PTPRA: variants seen among roughly 807,000 people sequenced by gnomAD.
PTPRA encodes the protein receptor-type tyrosine-protein phosphatase alpha.
In PTPRA, 25 loss-of-function variants were observed where a neutral mutation model predicts 104.8. The ratio of observed to expected loss-of-function variants is 0.24; its 90% CI spans 0.17 to 0.33. PTPRA has a LOEUF of 0.33. Among genes scored for constraint, PTPRA ranks in the 10% least tolerant of loss-of-function variants. PTPRA has a pLI of 1.00. For missense variants in PTPRA, 765 were observed against 1,015.3 expected, an observed-to-expected ratio of 0.75 and a Z score of 3.35; for synonymous variants, 323 against 368.9, an observed-to-expected ratio of 0.88 and a Z score of 1.43.
At chr20:2,869,971 CT>C (rs1268862871), upstream of PTPRA, among the ~76,000 whole-genome samples, 1 of 150,906 alleles carries the variant, frequency 6.6e-6, no homozygotes, top group African/African-American at 2.4e-5. Context: ...GAAACTCTGT[CT>C]TAAAAATATA....
chr20:3,037,448 G>A lies in PTPRA; in HGVS notation c.2334+159G>A, dbSNP rs2065854527. The stretch of plus-strand genomic sequence containing the variant: ...TGCCCCAAATACACAGGAAACATTG[G>A]GAGGCAGGATGGCAGCAATGGGAGC... On this transcript the variant is annotated intron_variant, in intron 23 of 23. Coordinates refer to ENST00000399903, the MANE Select transcript of PTPRA (RefSeq NM_001385305.1). The surrounding 1 kb of genome is among the most constrained non-coding windows in gnomAD (Gnocchi z 4.3). Among the ~76,000 whole-genome samples, 1 of 152,210 alleles carries A rather than the reference G, an allele frequency of 6.6e-6. No homozygotes were observed. The highest frequency in any genetic ancestry group is 1.5e-5 in the Non-Finnish European group (1 of 68,036).
At chr20:2,902,759 T>G (rs901724912) in intron 1 of PTPRA, among the ~76,000 whole-genome samples, 1 of 152,176 alleles carries the variant, frequency 6.6e-6, no homozygotes, top group Non-Finnish European at 1.5e-5. Flanking sequence ...TTTTACTAAT[T>G]TGAGGGTTTT....
intron 9 of PTPRA, among the ~76,000 whole-genome samples, chr20:3,003,967 A>G (rs1004809234): frequency 2.0e-5 from 3 of 152,148 alleles, no homozygotes; most frequent in African/African-American, 7.2e-5. Flanking sequence ...TTTGCTACAC[A>G]TGAGATTATT....
intron 20 of PTPRA, among the ~76,000 whole-genome samples, chr20:3,030,084 GC>G (rs1187567776): frequency 1.3e-5 from 2 of 152,130 alleles, no homozygotes; most frequent in African/African-American, 4.8e-5. Context: ...CAAAGAGCAG[GC>G]CGAAGAGCTG....
At chr20:2,885,740 G>A (rs924065900) in intron 1 of PTPRA, among the ~76,000 whole-genome samples, 3 of 151,214 alleles carry the variant, frequency 2.0e-5, no homozygotes, top group African/African-American at 7.3e-5. Context: ...TGAATGGCAA[G>A]AAAAAAAAAG....
chr20:2,971,660 G>A (rs1415271363), intron 5 of PTPRA, among the ~76,000 whole-genome samples: 6 of 152,106 alleles, frequency 3.9e-5, no homozygotes, highest in African/African-American at 1.2e-4. Flanking sequence ...TTCATTATAC[G>A]TGGTACTGAC....
chr20:2,964,021 C>T (rs967902157), intron 3 of PTPRA, among the ~76,000 whole-genome samples: 8 of 152,118 alleles, frequency 5.3e-5, no homozygotes, highest in African/African-American at 1.9e-4. Flanking sequence ...TCCTGGGCAA[C>T]AGAGCAAGAC....
chr20:2,881,204 G>A (rs758347742), intron 1 of PTPRA, among the ~76,000 whole-genome samples: 1 of 151,854 alleles, frequency 6.6e-6, no homozygotes, highest in East Asian at 1.9e-4. Flanking sequence ...TCAGCTACTC[G>A]GGAGGCTGAG....
At chr20:2,946,849 GAA>G (rs1021630128) in intron 2 of PTPRA, among the ~76,000 whole-genome samples, 1 of 145,224 alleles carries the variant, frequency 6.9e-6, no homozygotes, top group Admixed American at 6.8e-5. Context: ...CTCCTTCTCA[GAA>G]AAAAAAAAAA....
chr20:2,898,325 C>T (rs1461298439), intron 1 of PTPRA, among the ~76,000 whole-genome samples: 1 of 151,752 alleles, frequency 6.6e-6, no homozygotes, highest in African/African-American at 2.4e-5. Context: ...TGTGATCCGC[C>T]CACCTCGGCC....
chr20:2,944,762 TA>T (rs1163911516), intron 2 of PTPRA, among the ~76,000 whole-genome samples: 1 of 152,176 alleles, frequency 6.6e-6, no homozygotes, highest in East Asian at 1.9e-4. Flanking sequence ...TTCGAGTGCT[TA>T]AAAAAATTGT....
chr20:3,004,840 C>T (rs576748869), intron 9 of PTPRA, among the ~76,000 whole-genome samples: 1 of 152,210 alleles, frequency 6.6e-6, no homozygotes, highest in East Asian at 1.9e-4. Context: ...CATTCTGCCC[C>T]CTGAGGATTC....
At chr20:3,026,892 C>A in intron 18 of PTPRA, 112 bp downstream of exon 18, 1 of 1,048,226 alleles carries the variant, frequency 9.5e-7, no homozygotes, top group Non-Finnish European at 1.4e-6. Flanking sequence ...AGAATCATGG[C>A]ATTGCCTCTT....
intron 1 of PTPRA, among the ~76,000 whole-genome samples, chr20:2,922,782 G>A (rs1023484407): frequency 1.1e-4 from 16 of 151,610 alleles, no homozygotes; most frequent in Non-Finnish European, 2.4e-4. Context: ...TTAGAGATGC[G>A]TGCCACCATG....
At chr20:2,961,901 C>T (rs2061768342) in intron 3 of PTPRA, among the ~76,000 whole-genome samples, 1 of 152,168 alleles carries the variant, frequency 6.6e-6, no homozygotes, top group Non-Finnish European at 1.5e-5. Flanking sequence ...GCTCCTTTGT[C>T]AGTTGACTAT....
intron 3 of PTPRA, among the ~76,000 whole-genome samples, chr20:2,956,072 T>C (rs1016883016): frequency 2.0e-5 from 3 of 152,178 alleles, no homozygotes; most frequent in African/African-American, 7.2e-5. Context: ...AGCCTTCGAT[T>C]CTACCCCTAT....
At chr20:2,963,904 G>A (rs1007194299) in intron 3 of PTPRA, among the ~76,000 whole-genome samples, 14 of 152,018 alleles carry the variant, frequency 9.2e-5, no homozygotes, top group Admixed American at 4.6e-4. Context: ...GCCAGGCATC[G>A]TAGTACATGC....
At chr20:2,961,684 C>A (rs8119720) in intron 3 of PTPRA, among the ~76,000 whole-genome samples, 3,356 of 152,224 alleles carry the variant, frequency 0.022, 107 homozygotes, top group African/African-American at 0.064. Flanking sequence ...AAAAAGTTCT[C>A]GCCATACCCA....
At chr20:3,028,489 T>C (rs999453741) in intron 20 of PTPRA, among the ~76,000 whole-genome samples, 1 of 152,202 alleles carries the variant, frequency 6.6e-6, no homozygotes, top group Admixed American at 6.5e-5. Context: ...AACCTCCTAA[T>C]ATTGTTCCTG....
Sources: allele counts gnomAD v4.1 joint callset (sites outside exome capture counted in the v4.1 genomes callset), GRCh38; gene constraint gnomAD v4.1.1; non-coding constraint Gnocchi (gnomAD v3.1); transcripts MANE v1.5; gene names NCBI Gene and HGNC (gene_info 2026-07-23, HGNC 2026-07-21).